Variants in NRG3 observed in about 807,000 individuals in gnomAD.
The protein encoded by NRG3 is pro-neuregulin-3, membrane-bound isoform.
In NRG3, 31 loss-of-function variants were observed where a neutral mutation model predicts 66.9. The observed-to-expected ratio is 0.46, with a 90% CI of 0.35 to 0.63. The LOEUF (loss-of-function observed/expected upper bound fraction) is 0.63, where lower values mean the gene tolerates loss of function less well. Among genes scored for constraint, NRG3 ranks in the 20% least tolerant of loss-of-function variants. NRG3 has a pLI of 0.00. For synonymous variants in NRG3, 393 were observed against 359.4 expected (o/e 1.09, Z -1.06); for missense variants, 910 against 878.9 (o/e 1.04, Z -0.45).
At chr10:82,242,294 A>G (rs2134005153) in intron 1 of NRG3, among the ~76,000 whole-genome samples, 1 of 152,272 alleles carries the variant, frequency 6.6e-6, no homozygotes, top group Middle Eastern at 3.4e-3. Context: ...TAAGGTGAAT[A>G]TCCTTTGCAA....
chr10:82,350,759 T>G (rs1321893715), intron 1 of NRG3, among the ~76,000 whole-genome samples: 1 of 152,180 alleles, frequency 6.6e-6, no homozygotes, highest in East Asian at 1.9e-4. Context: ...CCAGGGAGCC[T>G]TCTCTGATGG....
intron 1 of NRG3, among the ~76,000 whole-genome samples, chr10:81,927,664 C>T (rs965414532): frequency 2.6e-5 from 4 of 152,120 alleles, no homozygotes; most frequent in Non-Finnish European, 5.9e-5. Flanking sequence ...CCCTCTCACC[C>T]TTGCCTTTAG....
intron 2 of NRG3, among the ~76,000 whole-genome samples, chr10:82,501,049 T>C (rs1844133208): frequency 6.6e-6 from 1 of 152,122 alleles, no homozygotes; most frequent in Non-Finnish European, 1.5e-5. Flanking sequence ...TTTGAACATA[T>C]TGTGTCTGGG....
chr10:82,102,682 C>G (rs965133212), intron 1 of NRG3, among the ~76,000 whole-genome samples: 1 of 151,796 alleles, frequency 6.6e-6, no homozygotes, highest in Non-Finnish European at 1.5e-5. Context: ...TGATGTTACT[C>G]TACATAAATA....
chr10:82,616,327 A>G (rs543722796), intron 2 of NRG3, among the ~76,000 whole-genome samples: 1 of 152,342 alleles, frequency 6.6e-6, no homozygotes, highest in African/African-American at 2.4e-5. Context: ...TCACTCATCC[A>G]GAAAGAAGTG....
chr10:82,651,674 C>A (rs1591027520), intron 2 of NRG3, among the ~76,000 whole-genome samples: 1 of 152,198 alleles, frequency 6.6e-6, no homozygotes, highest in African/African-American at 2.4e-5. Flanking sequence ...TTTTATACCC[C>A]CATGGACTTG....
At chr10:82,051,432 T>A (rs2133134373) in intron 1 of NRG3, among the ~76,000 whole-genome samples, 1 of 152,244 alleles carries the variant, frequency 6.6e-6, no homozygotes, top group African/African-American at 2.4e-5. Context: ...TGACGTCTAC[T>A]TGCCCATCAC....
chr10:82,782,969 G>A (rs1238737451), intron 3 of NRG3, among the ~76,000 whole-genome samples: 3 of 152,140 alleles, frequency 2.0e-5, no homozygotes, highest in African/African-American at 7.2e-5. Context: ...ATGAAATACT[G>A]GCAAACCAAA....
intron 1 of NRG3, among the ~76,000 whole-genome samples, chr10:82,151,974 A>C (rs2070782123): frequency 6.6e-6 from 1 of 152,242 alleles, no homozygotes; most frequent in Admixed American, 6.5e-5. Flanking sequence ...AATAGATAGA[A>C]TATAAAATAC....
At chr10:82,143,077 C>CT (rs1303157531) in intron 1 of NRG3, among the ~76,000 whole-genome samples, 2 of 151,610 alleles carry the variant, frequency 1.3e-5, no homozygotes, top group Non-Finnish European at 2.9e-5. Context: ...CCAAGATTTT[C>CT]TTTTTTAATA....
intron 3 of NRG3, among the ~76,000 whole-genome samples, chr10:82,801,063 T>C (rs1001713879): frequency 1.3e-5 from 2 of 152,192 alleles, no homozygotes; most frequent in Non-Finnish European, 2.9e-5. Context: ...AATAGTGGTA[T>C]AGTGAATGCA....
At chr10:82,061,629 A>G (rs2064145862) in intron 1 of NRG3, among the ~76,000 whole-genome samples, 2 of 152,024 alleles carry the variant, frequency 1.3e-5, no homozygotes, top group Admixed American at 1.3e-4. Context: ...TTAAAAATCC[A>G]CTTGCATGTG....
At chr10:82,978,473 T>C (rs1351221684) in intron 7 of NRG3, among the ~76,000 whole-genome samples, 1 of 152,208 alleles carries the variant, frequency 6.6e-6, no homozygotes, top group East Asian at 1.9e-4. Context: ...AAAATGCCAA[T>C]TAAAAGTTGT....
At chr10:82,449,794 T>C (rs1236298373) in intron 2 of NRG3, among the ~76,000 whole-genome samples, 1 of 152,164 alleles carries the variant, frequency 6.6e-6, no homozygotes, top group Non-Finnish European at 1.5e-5. Context: ...CATATACGTT[T>C]TTTTGAGCAA....
intron 2 of NRG3, among the ~76,000 whole-genome samples, chr10:82,724,460 C>T (rs2050458): frequency 0.55 from 84,111 of 151,926 alleles, 23,874 homozygotes; most frequent in East Asian, 0.69. Context: ...AATGCTGCAC[C>T]CTGTTAGTTG....
intron 7 of NRG3, among the ~76,000 whole-genome samples, chr10:82,975,340 C>A (rs1449703550): frequency 6.6e-6 from 1 of 152,152 alleles, no homozygotes; most frequent in Non-Finnish European, 1.5e-5. Context: ...GAACTGTATT[C>A]TGTCATAAAT....
intron 1 of NRG3, among the ~76,000 whole-genome samples, chr10:82,127,982 C>G (rs941622265): frequency 1.3e-5 from 2 of 151,936 alleles, no homozygotes; most frequent in East Asian, 3.9e-4. Context: ...CCTCAAAGAT[C>G]ACTTAAGGTA....
In NRG3 at chr10:82,302,960, T is replaced by C. The variant is rs368566960; in HGVS notation, c.824-55779T>C. ...TTAAGATGATTCATTATCTGTTCAA[T>C]GAAACATGTGGCCTCCAGTATCAAC... is the stretch of plus-strand genomic sequence containing the variant. On this transcript the variant is annotated intron_variant, in intron 1 of 8. Transcript: ENST00000372141. Among the ~76,000 whole-genome samples, 12 of 152,328 alleles carry C rather than the reference T, an allele frequency of 7.9e-5. 1 individual carries two copies. Among genetic ancestry groups the C allele is most frequent in the African/African-American group, 2.9e-4 (12 of 41,580 alleles).
chr10:82,042,842 G>C (rs1301318378), intron 1 of NRG3, among the ~76,000 whole-genome samples: 1 of 151,966 alleles, frequency 6.6e-6, no homozygotes, highest in African/African-American at 2.4e-5. Context: ...GTGAATGCTA[G>C]GTCAACGTAT....
Sources: allele counts gnomAD v4.1 joint callset (sites outside exome capture counted in the v4.1 genomes callset), GRCh38; gene constraint gnomAD v4.1.1; transcripts MANE v1.5; gene names NCBI Gene and HGNC (gene_info 2026-07-23, HGNC 2026-07-21).